The following RGL1 variants were observed in gnomAD, a reference collection of about 807,000 sequenced individuals.
RGL1 encodes ral guanine nucleotide dissociation stimulator like 1.
RGL1 carries 24 observed loss-of-function variants against 95.2 expected under a neutral mutation model. That is an observed-to-expected ratio of 0.25 (90% confidence interval 0.18 to 0.35). The LOEUF (loss-of-function observed/expected upper bound fraction) is 0.35. RGL1 is among the 10% of genes least tolerant of loss of function. The probability of loss-of-function intolerance (pLI) is 1.00; values close to 1 mark genes in which losing one functional copy is unlikely to be tolerated. For synonymous variants in RGL1, 329 were observed against 344.9 expected (o/e 0.95, Z 0.51); for missense variants, 715 against 936.3 (o/e 0.76, Z 3.08).
chr1:183,645,903 C>T (rs2101985446), intron 1 of RGL1, among the ~76,000 whole-genome samples: 1 of 152,338 alleles, frequency 6.6e-6, no homozygotes, highest in Non-Finnish European at 1.5e-5. Flanking sequence ...CGAACCAGTA[C>T]AAAAGTTTAA....
At chr1:183,810,262 A>G (rs1334499419) in intron 2 of RGL1, among the ~76,000 whole-genome samples, 3 of 152,204 alleles carry the variant, frequency 2.0e-5, no homozygotes, top group Non-Finnish European at 4.4e-5. Context: ...ATGTCAGCCT[A>G]AGATAAGTTC....
intron 1 of RGL1, among the ~76,000 whole-genome samples, chr1:183,699,012 C>T (rs1484760880): frequency 6.6e-6 from 1 of 152,244 alleles, no homozygotes; most frequent in African/African-American, 2.4e-5. Flanking sequence ...AACATCCATA[C>T]TCTCATTTAG....
At chr1:183,700,228 T>C (rs74622254) in intron 1 of RGL1, among the ~76,000 whole-genome samples, 5,524 of 152,236 alleles carry the variant, frequency 0.036, 123 homozygotes, top group Middle Eastern at 0.065. Flanking sequence ...AGTGGTTTTA[T>C]GGGAAGAAAG....
chr1:183,792,927 T>C (rs889294454), intron 2 of RGL1, among the ~76,000 whole-genome samples: 2 of 152,074 alleles, frequency 1.3e-5, no homozygotes, highest in Non-Finnish European at 2.9e-5. Flanking sequence ...CAATTTTTCT[T>C]CCAAGAAATA....
intron 1 of RGL1, among the ~76,000 whole-genome samples, chr1:183,687,186 G>C (rs1653643342): frequency 6.6e-6 from 1 of 151,988 alleles, no homozygotes; most frequent in African/African-American, 2.4e-5. Flanking sequence ...ACAATATCTG[G>C]TATTATTGGC....
At chr1:183,921,203 A>G (rs927333431) in intron 16 of RGL1, among the ~76,000 whole-genome samples, 2 of 152,158 alleles carry the variant, frequency 1.3e-5, no homozygotes, top group African/African-American at 4.8e-5. Context: ...GACGAGGGAA[A>G]CCTTTAACTT....
intron 1 of RGL1, among the ~76,000 whole-genome samples, chr1:183,693,845 T>C (rs1257146572): frequency 2.0e-5 from 3 of 152,180 alleles, no homozygotes; most frequent in African/African-American, 7.2e-5. Flanking sequence ...TTGGATGCAG[T>C]CCAGACTGAT....
At chr1:183,923,806 C>T (rs1395768074) in intron 17 of RGL1, among the ~76,000 whole-genome samples, 1 of 152,150 alleles carries the variant, frequency 6.6e-6, no homozygotes, top group Non-Finnish European at 1.5e-5. Flanking sequence ...GGATTGTTCT[C>T]CGCTGAGCCT....
intron 4 of RGL1, among the ~76,000 whole-genome samples, chr1:183,868,748 T>C (rs931357714): frequency 2.6e-5 from 4 of 152,212 alleles, no homozygotes; most frequent in Non-Finnish European, 4.4e-5. Flanking sequence ...ATACACATAT[T>C]TTGGAACTCA....
intron 1 of RGL1, among the ~76,000 whole-genome samples, chr1:183,671,623 A>G (rs776670799): frequency 5.3e-5 from 8 of 152,138 alleles, no homozygotes; most frequent in Non-Finnish European, 7.3e-5. Flanking sequence ...TGGATAGCTA[A>G]TGCCCCATAA....
chr1:183,883,112 G>A (rs1666917466), intron 5 of RGL1, among the ~76,000 whole-genome samples: 1 of 152,080 alleles, frequency 6.6e-6, no homozygotes, highest in Non-Finnish European at 1.5e-5. Flanking sequence ...TCCAGGTGTG[G>A]GCTCTTCTGC....
At chr1:183,800,853 A>G (rs1291997394), upstream of RGL1, among the ~76,000 whole-genome samples, 1 of 152,096 alleles carries the variant, frequency 6.6e-6, no homozygotes, top group Admixed American at 6.5e-5. Context: ...TTAATACTTA[A>G]TAATACCACA....
chr1:183,646,236 C>G (rs1650282331), intron 1 of RGL1, among the ~76,000 whole-genome samples: 1 of 152,142 alleles, frequency 6.6e-6, no homozygotes, highest in African/African-American at 2.4e-5. Flanking sequence ...AAACTATATT[C>G]CAGTAATTCC....
intron 9 of RGL1, among the ~76,000 whole-genome samples, chr1:183,893,779 G>T (rs532566282): frequency 6.6e-6 from 1 of 152,270 alleles, no homozygotes; most frequent in South Asian, 2.1e-4. Context: ...TGTTGCAACT[G>T]CCTGTCTCTC....
intron 1 of RGL1, among the ~76,000 whole-genome samples, chr1:183,677,998 A>C (rs113464907): frequency 3.3e-5 from 5 of 152,324 alleles, no homozygotes; most frequent in African/African-American, 7.2e-5. Context: ...TATGTAATTC[A>C]TCATTCTGTT....
At chr1:183,837,820 A>G (rs545629386) in intron 2 of RGL1, among the ~76,000 whole-genome samples, 21 of 152,316 alleles carry the variant, frequency 1.4e-4, no homozygotes, top group Non-Finnish European at 2.6e-4. Flanking sequence ...GTTTCACCTC[A>G]GATCATCAGG....
intron 2 of RGL1, among the ~76,000 whole-genome samples, chr1:183,820,341 A>T (rs1324008280): frequency 6.6e-6 from 1 of 152,190 alleles, no homozygotes; most frequent in Non-Finnish European, 1.5e-5. Flanking sequence ...CACAGACAAA[A>T]GAATGTATTT....
At chr1:183,659,287 G>T (rs1372325577) in intron 1 of RGL1, among the ~76,000 whole-genome samples, 1 of 151,900 alleles carries the variant, frequency 6.6e-6, no homozygotes, top group East Asian at 1.9e-4. Context: ...CAAACCAAAG[G>T]CAAAGAAGTT....
In RGL1 at chr1:183,759,637, A is replaced by G. The variant is rs146130284; in HGVS notation, c.132+17348A>G. 3.0e-3 allele frequency among the ~76,000 whole-genome samples: 451 copies of G among 152,332 alleles called. 4 individuals are homozygous for G. Among genetic ancestry groups the G allele is most frequent in the African/African-American group, 9.8e-3 (408 of 41,574 alleles). On this transcript the variant is annotated intron_variant, in intron 2 of 18. Coordinates refer to the RGL1 transcript ENST00000304685. ...GACACATCTTACCAAACAGCCTGCT[A>G]CTACCATGGGACACATACCTCTAGT...
Sources: allele counts gnomAD v4.1 joint callset (sites outside exome capture counted in the v4.1 genomes callset), GRCh38; gene constraint gnomAD v4.1.1; transcripts MANE v1.5; gene names NCBI Gene and HGNC (gene_info 2026-07-23, HGNC 2026-07-21).